PRELID2: variants seen among roughly 807,000 people sequenced by gnomAD.
PRELID2 encodes the protein PRELI domain containing 2.
PRELID2 carries 25 observed loss-of-function variants against 28.4 expected under a neutral mutation model. That is an observed-to-expected ratio of 0.88 (90% CI 0.64 to 1.23). The LOEUF (loss-of-function observed/expected upper bound fraction) is 1.23. Ranked by LOEUF, PRELID2 falls within the 50% of genes most tolerant of loss-of-function variation. PRELID2 has a pLI of 0.00. For synonymous variants in PRELID2, 76 were observed against 71.6 expected, an observed-to-expected ratio of 1.06 and a Z score of -0.31; for missense variants, 201 against 214.4, an observed-to-expected ratio of 0.94 and a Z score of 0.39.
intron 1 of PRELID2, among the ~76,000 whole-genome samples, chr5:145,746,380 C>T (rs1323313591): frequency 6.6e-6 from 1 of 152,052 alleles, no homozygotes; most frequent in Admixed American, 6.6e-5. Context: ...GGATTGAATT[C>T]CTAGTCTCTG....
intron 1 of PRELID2, among the ~76,000 whole-genome samples, chr5:145,513,904 A>C (rs1345177689): frequency 6.6e-6 from 1 of 152,176 alleles, no homozygotes; most frequent in Non-Finnish European, 1.5e-5. Flanking sequence ...TAAGCTTCAT[A>C]AGCGAGGGAA....
intron 1 of PRELID2, among the ~76,000 whole-genome samples, chr5:145,666,769 T>C (rs982914987): frequency 1.3e-5 from 2 of 152,122 alleles, no homozygotes; most frequent in Admixed American, 6.6e-5. Flanking sequence ...AGACAAGCAT[T>C]TCTCGAGTCC....
At position 145,742,557 on chromosome 5, in the gene PRELID2, T is replaced by G. The variant is rs141788499; in HGVS notation, n.70+22374A>C. Among the ~76,000 whole-genome samples the G allele has an allele frequency of 4.2e-3, 600 of 143,848 alleles. 5 individuals carry two copies. The highest frequency in any genetic ancestry group is 0.014 in the African/African-American group (536 of 39,378). The allele number at this position is 143,848 out of a possible 152,430, so 94.4% of individuals were successfully genotyped here. A position where few individuals can be genotyped will look rare whatever the true frequency, so the allele number is the denominator to read the frequency against. ...AAAAAAAAAAAAAAAGAACTAAATT[T>G]AAAAGAAAACATACCATATCATAAT... On this transcript the variant is annotated intron_variant and non_coding_transcript_variant, in intron 1 of 2. Transcript: ENST00000510259.
At chr5:145,609,647 G>A (rs1753583283) in intron 1 of PRELID2, among the ~76,000 whole-genome samples, 1 of 152,254 alleles carries the variant, frequency 6.6e-6, no homozygotes, top group African/African-American at 2.4e-5. Flanking sequence ...GGCTACTAGA[G>A]GAGGGGCTCA....
Position 145,526,707 on chromosome 5 carries a change from AGCAAGTAGTATTCAGCATT to A in PRELID2, n.71-53411_71-53393del, listed in dbSNP as rs1197415492. 1.0e-3 allele frequency among the ~76,000 whole-genome samples: 154 copies of A among 152,370 alleles called. 2 individuals are homozygous for A. Among genetic ancestry groups the A allele is most frequent in the Non-Finnish European group, 5.9e-5 (4 of 68,036 alleles). ...TAATAACAATACCAATGATAAAAAC[AGCAAGTAGTATTCAGCATT>A]GCAATGACTCCAGAAGGCGTGATCA... On this transcript the variant is annotated intron_variant and non_coding_transcript_variant, in intron 1 of 2. Transcript: ENST00000510259.
chr5:145,615,259 T>G (rs1753677839), intron 1 of PRELID2, among the ~76,000 whole-genome samples: 1 of 152,010 alleles, frequency 6.6e-6, no homozygotes, highest in Admixed American at 6.5e-5. Flanking sequence ...TTGTATAAAA[T>G]GCCTTCTTCC....
At chr5:145,742,593 G>A (rs958582456) in intron 1 of PRELID2, among the ~76,000 whole-genome samples, 2 of 145,192 alleles carry the variant, frequency 1.4e-5, no homozygotes, top group Non-Finnish European at 3.0e-5. Flanking sequence ...GTGTGGAACA[G>A]AATTAAAGCA....
At chr5:145,453,156 T>C in the PRELID2 span, among the ~76,000 whole-genome samples, 1 of 152,158 alleles carries the variant, frequency 6.6e-6, no homozygotes. Flanking sequence ...AAGCATGAAA[T>C]TTTATTTGTA....
downstream of PRELID2, among the ~76,000 whole-genome samples, chr5:145,754,937 C>T (rs1757218045): frequency 6.6e-6 from 1 of 152,106 alleles, no homozygotes; most frequent in Non-Finnish European, 1.5e-5. Context: ...ATAATTCTGA[C>T]TGAAAAATTA....
chr5:145,748,197 A>G (rs1210574701), intron 1 of PRELID2, among the ~76,000 whole-genome samples: 2 of 152,204 alleles, frequency 1.3e-5, no homozygotes, highest in African/African-American at 2.4e-5. Context: ...GTATTCAAAT[A>G]GGAAGAGAGG....
the PRELID2 span, among the ~76,000 whole-genome samples, chr5:145,337,182 A>G: frequency 2.6e-5 from 4 of 151,412 alleles, no homozygotes; most frequent in South Asian, 4.2e-4. Context: ...AAACTAAGCT[A>G]AAAATAAGCA....
At chr5:145,769,218 T>C in intron 5 of PRELID2, among the ~76,000 whole-genome samples, 1 of 152,234 alleles carries the variant, frequency 6.6e-6, no homozygotes, top group East Asian at 1.9e-4. Flanking sequence ...TTATTATTTC[T>C]TTCCCCTCTG....
Position 145,784,548 on chromosome 5 carries a change from C to T in PRELID2, c.474+11894G>A, listed in dbSNP as rs191119669. Among the ~76,000 whole-genome samples, 489 of 152,130 alleles carry T rather than the reference C, an allele frequency of 3.2e-3. 2 individuals carry two copies. Among genetic ancestry groups the T allele is most frequent in the Non-Finnish European group, 4.5e-3 (308 of 68,014 alleles). On this transcript the variant is annotated intron_variant, in intron 5 of 6. Coordinates refer to ENST00000683046, the MANE Select transcript of PRELID2 (RefSeq NM_205846.3). ...TGGCAATAAGCATGAAAGGTCTTAG[C>T]TCAGAAAGCAACAAGAAATGTACAC...
At chr5:145,674,280 A>T (rs1754769709) in intron 1 of PRELID2, among the ~76,000 whole-genome samples, 1 of 152,060 alleles carries the variant, frequency 6.6e-6, no homozygotes, top group South Asian at 2.1e-4. Flanking sequence ...CATTTACATC[A>T]GGTATATCTC....
chr5:145,779,800 G>A (rs1228501046), intron 5 of PRELID2, among the ~76,000 whole-genome samples: 1 of 152,162 alleles, frequency 6.6e-6, no homozygotes, highest in Non-Finnish European at 1.5e-5. Flanking sequence ...CATACTCTAT[G>A]AGGGAGGGCA....
intron 1 of PRELID2, among the ~76,000 whole-genome samples, chr5:145,639,691 C>A (rs904420052): frequency 6.6e-6 from 1 of 152,044 alleles, no homozygotes; most frequent in African/African-American, 2.4e-5. Flanking sequence ...TGGGAAAGTG[C>A]GTTGGGTTGG....
At chr5:145,428,683 T>A in the PRELID2 span, among the ~76,000 whole-genome samples, 1 of 152,052 alleles carries the variant, frequency 6.6e-6, no homozygotes, top group Admixed American at 6.5e-5. Flanking sequence ...TAAAATATAA[T>A]AATAATAATG....
At chr5:145,250,689 T>C in the PRELID2 span, among the ~76,000 whole-genome samples, 1 of 152,140 alleles carries the variant, frequency 6.6e-6, no homozygotes, top group Non-Finnish European at 1.5e-5. Flanking sequence ...ACAAACACTA[T>C]GCAGCAATTA....
chr5:145,706,264 C>T (rs1755543493), intron 1 of PRELID2, among the ~76,000 whole-genome samples: 1 of 152,132 alleles, frequency 6.6e-6, no homozygotes, highest in South Asian at 2.1e-4. Flanking sequence ...CACAACTATG[C>T]CACTGGCACA....
Sources: gnomAD v4.1 joint callset for allele counts (sites outside exome capture counted in the v4.1 genomes callset) on GRCh38, gnomAD v4.1.1 for gene constraint, MANE v1.5 for transcripts, NCBI Gene and HGNC (gene_info 2026-07-23, HGNC 2026-07-21) for gene names.